The following SAMD4A variants were observed in gnomAD, a reference collection of about 807,000 sequenced individuals.
SAMD4A encodes the protein protein Smaug homolog 1.
In SAMD4A, 33 loss-of-function variants were observed where a neutral mutation model predicts 81.3. That is an observed-to-expected ratio of 0.41 (90% confidence interval 0.31 to 0.54). The LOEUF (loss-of-function observed/expected upper bound fraction) is 0.54, where lower values mean the gene tolerates loss of function less well. Ranked by LOEUF, SAMD4A falls within the 20% of genes least tolerant of loss-of-function variation. The pLI is 0.37. For synonymous variants in SAMD4A, 389 were observed against 382.1 expected (o/e 1.02, Z -0.21); for missense variants, 854 against 951.1 (o/e 0.90, Z 1.34).
At chr14:54,717,286 T>A (rs777405866) in intron 3 of SAMD4A, among the ~76,000 whole-genome samples, 4 of 151,386 alleles carry the variant, frequency 2.6e-5, no homozygotes, top group African/African-American at 4.9e-5. Flanking sequence ...TACAAAAAAA[T>A]AAAAAATTAG....
intron 3 of SAMD4A, among the ~76,000 whole-genome samples, chr14:54,704,852 A>G (rs2036812411): frequency 6.6e-6 from 1 of 152,178 alleles, no homozygotes; most frequent in African/African-American, 2.4e-5. Context: ...TGTGTTGCCT[A>G]TGGTGGTTCA....
chr14:54,601,794 G>T (rs1594717389), intron 2 of SAMD4A, among the ~76,000 whole-genome samples: 1 of 152,300 alleles, frequency 6.6e-6, no homozygotes, highest in East Asian at 1.9e-4. Flanking sequence ...AACCAAGGCT[G>T]ATGACTTGGA....
intron 11 of SAMD4A, among the ~76,000 whole-genome samples, chr14:54,779,576 T>A (rs2038947452): frequency 6.6e-6 from 1 of 152,170 alleles, no homozygotes. Context: ...GTCACCTTGC[T>A]CGGGTTTACA....
At chr14:54,674,497 T>C (rs1373050943) in intron 2 of SAMD4A, among the ~76,000 whole-genome samples, 1 of 152,246 alleles carries the variant, frequency 6.6e-6, no homozygotes, top group Non-Finnish European at 1.5e-5. Flanking sequence ...GTGTGGTTTC[T>C]ACTGGTGTAG....
rs138900377 is a variant in SAMD4A at position 54,689,035 on chromosome 14, G to A, written c.197-13027G>A. ...CAAACTCCTTCTCCCGAGTTCAAGC[G>A]ATTCTTCTGCCTCAACTTCCCGAGT... On this transcript the variant is annotated intron_variant, in intron 2 of 12. Coordinates refer to ENST00000554335, the MANE Select transcript of SAMD4A (RefSeq NM_015589.6). 3.3e-3 allele frequency among the ~76,000 whole-genome samples: 491 copies of A among 149,464 alleles called. 2 individuals carry two copies. The highest frequency in any genetic ancestry group is 0.012 in the African/African-American group (470 of 40,706).
chr14:54,681,825 C>G lies in SAMD4A; in HGVS notation c.197-20237C>G, dbSNP rs2036135545. 7.1e-6 allele frequency: 7 copies of G among 985,126 alleles called. No homozygotes were observed. In the Admixed American group the frequency reaches 4.3e-4, roughly 61 times the overall value. 61.0% of individuals were successfully genotyped at this position (985,126 alleles called of 1,614,324 possible). The stretch of plus-strand genomic sequence containing the variant: ...GAGTTTAGCAGGGCTTAAGTTCAAA[C>G]AAAGTAAGAATTGGAACTCTCCCAA... On this transcript the variant is annotated intron_variant, in intron 2 of 12. Coordinates refer to ENST00000554335, the MANE Select transcript of SAMD4A (RefSeq NM_015589.6).
chr14:54,785,351 C>T (rs1031583531), intron 12 of SAMD4A, among the ~76,000 whole-genome samples: 2 of 152,254 alleles, frequency 1.3e-5, no homozygotes, highest in African/African-American at 4.8e-5. Flanking sequence ...CCTGGGAGGC[C>T]TTCAGCTCCC....
At chr14:54,635,487 C>A (rs575260841) in intron 2 of SAMD4A, among the ~76,000 whole-genome samples, 1 of 151,772 alleles carries the variant, frequency 6.6e-6, no homozygotes, top group African/African-American at 2.4e-5. Context: ...CAATCGCTCA[C>A]GTCCGTAATC....
At chr14:54,681,107 G>A (rs2036113498) in intron 2 of SAMD4A, among the ~76,000 whole-genome samples, 1 of 152,164 alleles carries the variant, frequency 6.6e-6, no homozygotes, top group South Asian at 2.1e-4. Flanking sequence ...CTTAACCTCA[G>A]CAGTGAACCG....
chr14:54,756,995 T>C (rs1160430802), intron 6 of SAMD4A, among the ~76,000 whole-genome samples: 1 of 152,206 alleles, frequency 6.6e-6, no homozygotes, highest in African/African-American at 2.4e-5. Context: ...GTGTTTATCA[T>C]GTGGGATTAT....
intron 4 of SAMD4A, among the ~76,000 whole-genome samples, chr14:54,740,287 A>T (rs942518999): frequency 6.6e-6 from 1 of 152,218 alleles, no homozygotes; most frequent in African/African-American, 2.4e-5. Context: ...TCTATGACCC[A>T]GGCCCTTTGG....
At chr14:54,608,889 G>A (rs916732527) in intron 2 of SAMD4A, among the ~76,000 whole-genome samples, 3 of 152,204 alleles carry the variant, frequency 2.0e-5, no homozygotes, top group Non-Finnish European at 2.9e-5. Context: ...AGTTAGCAAC[G>A]GAAGACAGCT....
intron 3 of SAMD4A, among the ~76,000 whole-genome samples, chr14:54,723,348 T>C (rs1045426974): frequency 2.0e-5 from 3 of 152,162 alleles, no homozygotes; most frequent in African/African-American, 7.2e-5. Context: ...ATCTTTATGC[T>C]ACTCAGAGCC....
At chr14:54,603,818 GT>G (rs869075862) in intron 2 of SAMD4A, among the ~76,000 whole-genome samples, 1 of 129,326 alleles carries the variant, frequency 7.7e-6, no homozygotes, top group African/African-American at 2.7e-5. Flanking sequence ...TTGTTTATTT[GT>G]TTATTTGTTT....
At chr14:54,766,514 C>T (rs766360444) in intron 8 of SAMD4A, among the ~76,000 whole-genome samples, 3 of 152,126 alleles carry the variant, frequency 2.0e-5, no homozygotes, top group African/African-American at 4.8e-5. Context: ...AGGGCATTTC[C>T]GTGGAGGAAC....
intron 3 of SAMD4A, among the ~76,000 whole-genome samples, chr14:54,736,432 A>T (rs2037692971): frequency 6.6e-6 from 1 of 152,150 alleles, no homozygotes; most frequent in Admixed American, 6.5e-5. Context: ...CCATACCCTG[A>T]GGTCATGTTA....
chr14:54,676,047 G>A (rs1413164895), intron 2 of SAMD4A, among the ~76,000 whole-genome samples: 1 of 152,108 alleles, frequency 6.6e-6, no homozygotes. Flanking sequence ...AAACATTAGA[G>A]GCCAAATCCA....
At chr14:54,646,687 G>C (rs902062872) in intron 2 of SAMD4A, among the ~76,000 whole-genome samples, 1 of 152,220 alleles carries the variant, frequency 6.6e-6, no homozygotes, top group African/African-American at 2.4e-5. Flanking sequence ...TGGACTGTTT[G>C]TGCCTATTTC....
At position 54,702,042 on chromosome 14, in the gene SAMD4A, G is replaced by A. The variant is rs74987026; in HGVS notation, c.197-20G>A. 1.6e-4 allele frequency: 255 copies of A among 1,610,712 alleles called. 2 individuals are homozygous for A. The East Asian group carries it at 4.4e-3, about 28-fold the overall frequency. The stretch of plus-strand genomic sequence containing the variant: ...CTGTGGGTGTATTTGCTTATTTGCC[G>A]TGTATATTTCCCTTTTCAGGAATCA... On this transcript the variant is annotated intron_variant, in intron 2 of 12. Transcript: ENST00000554335.
Sources: gnomAD v4.1 joint callset for allele counts (sites outside exome capture counted in the v4.1 genomes callset) on GRCh38, gnomAD v4.1.1 for gene constraint, MANE v1.5 for transcripts, NCBI Gene and HGNC (gene_info 2026-07-23, HGNC 2026-07-21) for gene names.